BMP6: variants seen among roughly 807,000 people sequenced by gnomAD.
The protein encoded by BMP6 is bone morphogenetic protein 6.
BMP6 carries 17 observed loss-of-function variants against 54.1 expected under a neutral mutation model. The ratio of observed to expected loss-of-function variants is 0.31; its 90% CI spans 0.22 to 0.47. The LOEUF is 0.47. BMP6 is among the 20% of genes least tolerant of loss of function. The pLI is 1.00. For synonymous variants in BMP6, 328 were observed against 291.2 expected (o/e 1.13, Z -1.28); for missense variants, 720 against 690.4 (o/e 1.04, Z -0.48).
intron 1 of BMP6, among the ~76,000 whole-genome samples, chr6:7,810,200 G>A (rs1360234906): frequency 6.6e-6 from 1 of 152,152 alleles, no homozygotes; most frequent in Non-Finnish European, 1.5e-5. Context: ...CAGGCCAATT[G>A]TTCATCTTAT....
intron 1 of BMP6, among the ~76,000 whole-genome samples, chr6:7,741,595 C>T (rs182767668): frequency 0.058 from 8,420 of 145,458 alleles, 363 homozygotes; most frequent in Non-Finnish European, 0.091. Flanking sequence ...CCATGCCTGG[C>T]TAGTTGTTTT....
chr6:7,759,182 T>G (rs997824957), intron 1 of BMP6, among the ~76,000 whole-genome samples: 2 of 152,258 alleles, frequency 1.3e-5, no homozygotes. Context: ...ATCCGTTAAG[T>G]TCCTCATTAC....
At chr6:7,837,233 G>C (rs958435786) in intron 1 of BMP6, among the ~76,000 whole-genome samples, 3 of 152,120 alleles carry the variant, frequency 2.0e-5, no homozygotes, top group African/African-American at 7.2e-5. Context: ...TTTGTAGTTT[G>C]AGATAGGCAG....
At chr6:7,870,360 G>T (rs9505293) in intron 4 of BMP6, among the ~76,000 whole-genome samples, 22,490 of 152,202 alleles carry the variant, frequency 0.15, 1,866 homozygotes, top group African/African-American at 0.22. Context: ...ACCACTGATT[G>T]CATCGTGCAG....
chr6:7,732,781 A>G (rs1761888754), intron 1 of BMP6, among the ~76,000 whole-genome samples: 1 of 152,236 alleles, frequency 6.6e-6, no homozygotes, highest in Non-Finnish European at 1.5e-5. Flanking sequence ...TTAGACAAGG[A>G]AAATGAAGAG....
intron 1 of BMP6, among the ~76,000 whole-genome samples, chr6:7,786,025 G>T (rs921045735): frequency 1.3e-5 from 2 of 152,212 alleles, no homozygotes; most frequent in African/African-American, 4.8e-5. Flanking sequence ...ATTAACGAAT[G>T]TGCCCCTGAA....
chr6:7,802,526 C>A (rs1259540896), intron 1 of BMP6, among the ~76,000 whole-genome samples: 1 of 152,182 alleles, frequency 6.6e-6, no homozygotes, highest in East Asian at 1.9e-4. Flanking sequence ...ATTAATGGAA[C>A]AGGCCCACCG....
intron 1 of BMP6, among the ~76,000 whole-genome samples, chr6:7,799,169 A>G (rs1192208819): frequency 6.6e-6 from 1 of 152,184 alleles, no homozygotes; most frequent in African/African-American, 2.4e-5. Flanking sequence ...GAGAGAGGAG[A>G]GAGCAGCTTG....
chr6:7,860,448 C>A (rs1181617704), intron 2 of BMP6, among the ~76,000 whole-genome samples: 1 of 152,160 alleles, frequency 6.6e-6, no homozygotes, highest in Non-Finnish European at 1.5e-5. Context: ...TACGCAGATT[C>A]AGATTGTCCC....
At chr6:7,810,474 C>A (rs1342812525) in intron 1 of BMP6, among the ~76,000 whole-genome samples, 3 of 152,142 alleles carry the variant, frequency 2.0e-5, no homozygotes, top group Non-Finnish European at 2.9e-5. Context: ...CTTGTGTTTC[C>A]CTCCAGGTCT....
intron 1 of BMP6, among the ~76,000 whole-genome samples, chr6:7,825,721 GAA>G (rs1186069160): frequency 8.4e-6 from 1 of 119,690 alleles, no homozygotes; most frequent in Non-Finnish European, 1.8e-5. Flanking sequence ...AGTCCATCTC[GAA>G]AAAAAAAAAA....
At chr6:7,784,279 C>T (rs548596227) in intron 1 of BMP6, among the ~76,000 whole-genome samples, 2 of 152,180 alleles carry the variant, frequency 1.3e-5, no homozygotes, top group African/African-American at 4.8e-5. Flanking sequence ...CTTCTTGTAC[C>T]TCTGCCCTTC....
chr6:7,733,784 A>G (rs1441967348), intron 1 of BMP6, among the ~76,000 whole-genome samples: 1 of 152,214 alleles, frequency 6.6e-6, no homozygotes, highest in African/African-American at 2.4e-5. Flanking sequence ...CCCACTGGAA[A>G]CGTGTGAGTC....
chr6:7,878,949 C>G (rs142578090), intron 4 of BMP6, 125 bp from the exon 5 acceptor site: 7 of 919,018 alleles, frequency 7.6e-6, no homozygotes, highest in Non-Finnish European at 1.0e-5. Context: ...GGTGACCATA[C>G]TTGTATCTAG....
chr6:7,768,639 A>G (rs757052186), intron 1 of BMP6, among the ~76,000 whole-genome samples: 1 of 152,108 alleles, frequency 6.6e-6, no homozygotes, highest in Admixed American at 6.5e-5. Context: ...TATTGACTGT[A>G]GTGGTTCCTC....
In BMP6 at chr6:7,820,701, G is replaced by A. The variant is rs772556920; in HGVS notation, c.665-24439G>A. Among the ~76,000 whole-genome samples, 5 of 152,128 alleles carry A rather than the reference G, an allele frequency of 3.3e-5. No homozygotes were observed. The South Asian group carries it at 6.2e-4, about 19-fold the overall frequency. On this transcript the variant is annotated intron_variant, in intron 1 of 6. Transcript: ENST00000283147. ...CATTTTTCTAGGAGCTGAGTTGCTC[G>A]TTCTTCATCTTTCCCTTATCCCCTA... is the stretch of plus-strand genomic sequence containing the variant.
rs1271993595 is a variant in BMP6, at chr6:7,726,160, G to GCGC, written c.-786_-784dup. 2.0e-5 allele frequency among the ~76,000 whole-genome samples: 3 copies of GCGC among 152,202 alleles called. No homozygotes were observed. The highest frequency in any genetic ancestry group is 4.4e-5 in the Non-Finnish European group (3 of 68,042). ...TGGAGAGGCGGGAGACCGAATTCCG[G>GCGC]CGCCGCCGCCGCGGCCGCTGCTCGG... On this transcript the variant is annotated 5_prime_UTR_variant, in exon 1 of 7. Transcript: ENST00000283147.
intron 1 of BMP6, among the ~76,000 whole-genome samples, chr6:7,743,495 TG>T (rs145710955): frequency 0.083 from 12,670 of 152,258 alleles, 620 homozygotes; most frequent in Admixed American, 0.12. Flanking sequence ...GCCAATGGAT[TG>T]GGCATCTCTG....
intron 1 of BMP6, among the ~76,000 whole-genome samples, chr6:7,751,750 C>T (rs1464055813): frequency 1.3e-5 from 2 of 152,158 alleles, no homozygotes; most frequent in Non-Finnish European, 2.9e-5. Flanking sequence ...TCAGAAGATG[C>T]CCAGGGATCT....
Sources: gnomAD v4.1 joint callset for allele counts (sites outside exome capture counted in the v4.1 genomes callset) on GRCh38, gnomAD v4.1.1 for gene constraint, MANE v1.5 for transcripts, NCBI Gene and HGNC (gene_info 2026-07-23, HGNC 2026-07-21) for gene names.